Variants in SPTB observed in about 807,000 individuals in gnomAD.
SPTB encodes the protein spectrin beta chain, erythrocytic.
A neutral mutation model predicts 256.2 loss-of-function variants in SPTB; 45 were observed. That is an observed-to-expected ratio of 0.18 (90% confidence interval 0.14 to 0.23). The LOEUF is 0.23. Ranked by LOEUF, SPTB falls within the 10% of genes least tolerant of loss-of-function variation. The probability of loss-of-function intolerance (pLI) is 1.00; values close to 1 mark genes in which losing one functional copy is unlikely to be tolerated. For synonymous variants in SPTB, 1,231 were observed against 1,243.1 expected, an observed-to-expected ratio of 0.99 and a Z score of 0.21; for missense variants, 2,715 against 3,040.4, an observed-to-expected ratio of 0.89 and a Z score of 2.52.
rs2081852782 is a variant in SPTB at position 64,746,872 on chromosome 14, T to G, written c.*2434A>C. 1 of 151,150 alleles carries G rather than the reference T, an allele frequency of 6.6e-6. No individual in the cohort carries two copies. 9.4% of individuals were successfully genotyped at this position (151,150 alleles called of 1,614,324 possible). On this transcript the variant is annotated 3_prime_UTR_variant, in exon 36 of 36. Transcript: ENST00000644917. This position sits in a 1 kb window ranked among gnomAD's most constrained non-coding sequence, Gnocchi z 4.9. The stretch of plus-strand genomic sequence containing the variant: ...TCGTTTGGGAATACTGTCAAAAGAC[T>G]GTAGAGTAGAATAAGGAGAGAAAAA...
At chr14:64,846,732 C>A (rs1274377179) in intron 1 of SPTB, among the ~76,000 whole-genome samples, 5 of 152,156 alleles carry the variant, frequency 3.3e-5, no homozygotes, top group African/African-American at 1.2e-4. Flanking sequence ...CTGTCTGGAT[C>A]ATATACATTC....
intron 2 of SPTB, among the ~76,000 whole-genome samples, chr14:64,817,234 C>T (rs921384314): frequency 1.3e-5 from 2 of 151,982 alleles, no homozygotes; most frequent in Non-Finnish European, 2.9e-5. Context: ...TTTATCTGCA[C>T]AGGTAGCTGG....
intron 1 of SPTB, among the ~76,000 whole-genome samples, chr14:64,877,593 G>A (rs539744226): frequency 1.3e-5 from 2 of 152,286 alleles, no homozygotes; most frequent in African/African-American, 4.8e-5. Context: ...TAGAGAAAAC[G>A]CTGAGCATTC....
intron 1 of SPTB, among the ~76,000 whole-genome samples, chr14:64,860,751 T>A (rs1594852274): frequency 6.6e-6 from 1 of 152,180 alleles, no homozygotes; most frequent in East Asian, 1.9e-4. Context: ...GAAATAGGAA[T>A]GCTTTTACGA....
chr14:64,822,372 T>TCACACACACACACACACACACA (rs1355459775), intron 2 of SPTB, among the ~76,000 whole-genome samples: 11 of 2,414 alleles, frequency 4.6e-3, no homozygotes, highest in East Asian at 0.022. Flanking sequence ...TCTCTCTCTC[T>TCACACACACACACACACACACA]CTCACACACA....
In SPTB at chr14:64,785,979, A is replaced by G; in HGVS notation, c.3562-28T>C. The G allele has an allele frequency of 6.2e-7, 1 of 1,611,870 alleles. No homozygotes were observed. The highest frequency in any genetic ancestry group is 2.2e-5 in the East Asian group (1 of 44,846). On this transcript the variant is annotated intron_variant, in intron 16 of 35. Transcript: ENST00000644917. The surrounding 1 kb of genome is among the most constrained non-coding windows in gnomAD (Gnocchi z 4.4). ...GTTGGAACAAGTTTCCAGACAAGGC[A>G]TGAAGACACACGGAGGAGGTGATGA...
At chr14:64,774,376 C>T in intron 24 of SPTB, 21 bp downstream of exon 24, 1 of 1,580,400 alleles carries the variant, frequency 6.3e-7, no homozygotes, top group Non-Finnish European at 8.6e-7. Flanking sequence ...CTGACCGAGT[C>T]ACCACAGGGG....
rs1051018351 is a variant in SPTB at position 64,821,774 on chromosome 14, A to G, written c.148+1173T>C. 5.3e-5 allele frequency among the ~76,000 whole-genome samples: 8 copies of G among 152,268 alleles called. No individual in the cohort carries two copies. In the East Asian group the frequency reaches 1.5e-3, roughly 29 times the overall value. ...CACCAGGGGTAATGACTGAGACCCA[A>G]GTGGATTCCTTGTCATGACAAGGGA... On this transcript the variant is annotated intron_variant, in intron 2 of 35. Coordinates refer to ENST00000644917, the MANE Select transcript of SPTB (RefSeq NM_001355436.2).
intron 23 of SPTB, among the ~76,000 whole-genome samples, chr14:64,774,910 G>A (rs182044104): frequency 1.4e-4 from 22 of 152,300 alleles, no homozygotes; most frequent in Admixed American, 1.3e-3. Flanking sequence ...GCAAACCTAA[G>A]TGGGTAAACA....
In SPTB at chr14:64,792,859, C is replaced by G; in HGVS notation, c.2666+138G>C. 2 of 1,222,234 alleles carry G rather than the reference C, an allele frequency of 1.6e-6. No homozygotes were observed. Among genetic ancestry groups the G allele is most frequent in the Non-Finnish European group, 2.3e-6 (2 of 861,006 alleles). 75.7% of individuals were successfully genotyped at this position (1,222,234 alleles called of 1,614,324 possible). On this transcript the variant is annotated intron_variant, in intron 14 of 35. Coordinates refer to ENST00000644917, the MANE Select transcript of SPTB (RefSeq NM_001355436.2). The surrounding 1 kb of genome is among the most constrained non-coding windows in gnomAD (Gnocchi z 4.2). ...AGAATAGAACTTATGACTCCTAATG[C>G]CAGGACTTTGCAACAAAGGACATCC...
Position 64,747,207 on chromosome 14 carries a change from A to AG in SPTB, c.*2098dup, listed in dbSNP as rs1346335362. On this transcript the variant is annotated 3_prime_UTR_variant, in exon 36 of 36. Coordinates refer to ENST00000644917, the MANE Select transcript of SPTB (RefSeq NM_001355436.2). ...CTGATTTGGCACACGTGGAAGGGGG[A>AG]GGGTGGGCCCTTGTCCCTAGGCTCC... 8 of 152,436 alleles carry AG rather than the reference A, an allele frequency of 5.2e-5. No homozygotes were observed. The highest frequency in any genetic ancestry group is 1.3e-4 in the Admixed American group (2 of 15,300). The allele number at this position is 152,436 out of a possible 1,614,324, so 9.4% of individuals were successfully genotyped here.
Position 64,779,890 on chromosome 14 carries a change from C to T in SPTB, c.4308G>A (p.Gly1436=). Residue 1436 remains glycine (G), a synonymous_variant, in exon 21 of 36, where the codon GGG becomes GGA. Coordinates refer to ENST00000644917, the MANE Select transcript of SPTB (RefSeq NM_001355436.2). This position sits in a 1 kb window ranked among gnomAD's most constrained non-coding sequence, Gnocchi z 4.2. ...TTGAAGGCACCTGGGCAAACAGCTC[C>T]CCCAGCTCCTCTTTTCGCACATTCA... is the stretch of plus-strand genomic sequence containing the variant. ...DQVNVRKEEL[G]ELFAQVPSMG... 1.2e-6 allele frequency: 2 copies of T among 1,614,000 alleles called. No individual in the cohort carries two copies. The highest frequency in any genetic ancestry group is 1.7e-6 in the Non-Finnish European group (2 of 1,179,940).
Position 64,793,786 on chromosome 14 carries a change from G to T in SPTB, c.1877C>A (p.Ala626Glu), listed in dbSNP as rs757548423. 1.2e-6 allele frequency: 2 copies of T among 1,613,700 alleles called. No homozygotes were observed. The highest frequency in any genetic ancestry group is 2.2e-5 in the East Asian group (1 of 44,890). Residue 626 changes from alanine to glutamate, a missense_variant, in exon 14 of 36, where the codon GCA becomes GAA. Physicochemically the swap from Ala to Glu is moderately radical, Grantham distance 107. Transcript: ENST00000644917. The surrounding 1 kb of genome is among the most constrained non-coding windows in gnomAD (Gnocchi z 7.0). ...CTCCAGTTGGGCCTTCCGCCCAGCT[G>T]CCATGTTGCTCAGCTCCTCAAAGCA... Reference protein sequence around the residue: ...EQCFEELSNMAAGRKAQLEQS... With the variant: ...EQCFEELSNMEAGRKAQLEQS...
intron 15 of SPTB, among the ~76,000 whole-genome samples, 154 bp downstream of exon 15, chr14:64,791,565 C>CA (rs563905446): frequency 0.26 from 11,674 of 45,734 alleles, 2,331 homozygotes; most frequent in Non-Finnish European, 0.29. Flanking sequence ...GGTTCTGTGT[C>CA]AAAAAAAAAA....
chr14:64,874,606 T>C (rs1415782851), intron 1 of SPTB, among the ~76,000 whole-genome samples: 6 of 152,224 alleles, frequency 3.9e-5, no homozygotes, highest in Non-Finnish European at 2.9e-5. Context: ...CTAGGGTTCT[T>C]CTAGAAACAG....
At chr14:64,761,176 G>T (rs934286920) in intron 32 of SPTB, among the ~76,000 whole-genome samples, 1 of 152,148 alleles carries the variant, frequency 6.6e-6, no homozygotes, top group Non-Finnish European at 1.5e-5. Context: ...TGTTGCCCTC[G>T]CCCGGTGTCT....
chr14:64,782,178 G>C, intron 20 of SPTB, 112 bp downstream of exon 20: 2 of 1,485,514 alleles, frequency 1.3e-6, no homozygotes, highest in Non-Finnish European at 1.9e-6. Context: ...GTTTATCTAT[G>C]TGACAAACCT....
At chr14:64,822,370 T>TCACACACACACA (rs2083305230) in intron 2 of SPTB, among the ~76,000 whole-genome samples, 15 of 1,464 alleles carry the variant, frequency 0.01, no homozygotes, top group Non-Finnish European at 0.018. Flanking sequence ...TCTCTCTCTC[T>TCACACACACACA]CTCTCACACA....
rs2083391824 is a variant in SPTB at position 64,827,433 on chromosome 14, G to A, written c.-51-4288C>T. The stretch of plus-strand genomic sequence containing the variant: ...TTGTTATCTTCTCTCTAGCTGTAAG[G>A]TTTGACCCCCTCACCTGTTTTCTAG... On this transcript the variant is annotated intron_variant, in intron 1 of 35. Transcript: ENST00000644917. The surrounding 1 kb of genome is among the most constrained non-coding windows in gnomAD (Gnocchi z 4.6). Among the ~76,000 whole-genome samples, 1 of 152,110 alleles carries A rather than the reference G, an allele frequency of 6.6e-6. No individual in the cohort carries two copies. Among genetic ancestry groups the A allele is most frequent in the South Asian group, 2.1e-4 (1 of 4,818 alleles).
Sources: allele counts gnomAD v4.1 joint callset (sites outside exome capture counted in the v4.1 genomes callset), GRCh38; gene constraint gnomAD v4.1.1; non-coding constraint Gnocchi (gnomAD v3.1); transcripts MANE v1.5; gene names NCBI Gene and HGNC (gene_info 2026-07-23, HGNC 2026-07-21).